Variants in PCNX2 observed in about 807,000 individuals in gnomAD.
The protein encoded by PCNX2 is pecanex 2, also known as pecanex-like protein 2.
A neutral mutation model predicts 223.8 loss-of-function variants in PCNX2; 168 were observed. The ratio of observed to expected loss-of-function variants is 0.75; its 90% CI spans 0.66 to 0.85. The LOEUF (loss-of-function observed/expected upper bound fraction) is 0.85. PCNX2 is among the 40% of genes least tolerant of loss of function. The pLI, the probability that PCNX2 is intolerant of heterozygous loss-of-function variation, is 0.00. For synonymous variants in PCNX2, 1,006 were observed against 1,052.6 expected (o/e 0.96, Z 0.86); for missense variants, 2,507 against 2,675.5 (o/e 0.94, Z 1.39).
intron 5 of PCNX2, among the ~76,000 whole-genome samples, chr1:233,255,096 G>A (rs1483283648): frequency 6.6e-6 from 1 of 152,144 alleles, no homozygotes; most frequent in Non-Finnish European, 1.5e-5. Flanking sequence ...AGCCCAGGAA[G>A]CCAATATACT....
chr1:233,008,486 A>C (rs1419695811), intron 28 of PCNX2, among the ~76,000 whole-genome samples: 1 of 152,208 alleles, frequency 6.6e-6, no homozygotes. Context: ...AAGATCAATT[A>C]CTGCCAGGCA....
In PCNX2 at chr1:233,252,887, A is replaced by T. The variant is rs947040492; in HGVS notation, c.1835-99T>A. The T allele has an allele frequency of 1.5e-5, 19 of 1,259,358 alleles. No homozygotes were observed. In the African/African-American group the frequency reaches 2.1e-4, roughly 14 times the overall value. The allele number at this position is 1,259,358 out of a possible 1,614,324, so 78.0% of individuals were successfully genotyped here. ...AAAACTGAAACAAGAATAGAAAGAA[A>T]ATCTAAGCAGCTCCTCTGCATGCAA... On this transcript the variant is annotated intron_variant, in intron 5 of 33. Coordinates refer to ENST00000258229, the MANE Select transcript of PCNX2 (RefSeq NM_014801.4).
At chr1:233,060,952 C>T (rs1422767496) in intron 23 of PCNX2, among the ~76,000 whole-genome samples, 1 of 152,186 alleles carries the variant, frequency 6.6e-6, no homozygotes, top group Admixed American at 6.5e-5. Context: ...CAAACTTGGC[C>T]TTTCCACCCC....
upstream of PCNX2, among the ~76,000 whole-genome samples, chr1:233,299,230 C>T (rs1392927867): frequency 3.3e-5 from 5 of 152,210 alleles, no homozygotes; most frequent in Admixed American, 3.3e-4. Flanking sequence ...CTCTCTCTCA[C>T]TACCATATCC....
intron 23 of PCNX2, among the ~76,000 whole-genome samples, chr1:233,063,956 A>G (rs1424430208): frequency 6.6e-6 from 1 of 152,024 alleles, no homozygotes; most frequent in African/African-American, 2.4e-5. Flanking sequence ...ATTTATTTTT[A>G]TAAGCCATTT....
At chr1:233,088,904 T>A (rs1413544666) in intron 23 of PCNX2, among the ~76,000 whole-genome samples, 1 of 152,206 alleles carries the variant, frequency 6.6e-6, no homozygotes, top group African/African-American at 2.4e-5. Context: ...GTTAATTCAT[T>A]TTCTCCTCAC....
Position 233,258,086 on chromosome 1 carries a change from C to T in PCNX2, c.1776G>A (p.Thr592=), listed in dbSNP as rs767674778. 3 of 1,613,910 alleles carry T rather than the reference C, an allele frequency of 1.9e-6. No individual in the cohort carries two copies. Among genetic ancestry groups the T allele is most frequent in the Middle Eastern group, 1.7e-4 (1 of 6,060 alleles). The part of the protein sequence containing the change: ...LLESINTSKM[T]ASSQLNGSAE... ...CTGAGCCATTCAGTTGACTGGATGC[C>T]GTCATCTTGGAAGTATTAATGGATT... The change falls in exon 5 of 34, where the codon ACG becomes ACA. Residue 592 remains threonine (T), a synonymous_variant. Coordinates refer to ENST00000258229, the MANE Select transcript of PCNX2 (RefSeq NM_014801.4).
At position 233,258,217 on chromosome 1, in the gene PCNX2, C is replaced by T. The variant is rs1326611289; in HGVS notation, c.1645G>A (p.Val549Ile). Residue 549 changes from valine to isoleucine, a missense_variant, in exon 5 of 34, where the codon GTT (valine) becomes ATT (isoleucine). Around this residue, in one of 3 missense-constraint regions of PCNX2, gnomAD observed 1,031 missense variants for 1,021.7 expected, o/e 1.01. Coordinates refer to ENST00000258229, the MANE Select transcript of PCNX2 (RefSeq NM_014801.4). The stretch of plus-strand genomic sequence containing the variant: ...GGCATTGTTTTCTCTGTATCGTTAA[C>T]AATTTCTGCAGAACTTTTACTCAAG... ...VFLSKSSAEI[V>I]NDTEKTMPTS... The T allele has an allele frequency of 6.2e-6, 10 of 1,614,002 alleles. No individual in the cohort carries two copies. Among genetic ancestry groups the T allele is most frequent in the Non-Finnish European group, 8.5e-6 (10 of 1,179,898 alleles).
chr1:233,278,487 A>G (rs77676756), intron 1 of PCNX2, among the ~76,000 whole-genome samples: 1 of 152,210 alleles, frequency 6.6e-6, no homozygotes, highest in Non-Finnish European at 1.5e-5. Flanking sequence ...TTTTATCACC[A>G]TGATGGAAAG....
At chr1:233,318,563 C>CTTTTTTTTTTTTTTTTTT in the PCNX2 span, among the ~76,000 whole-genome samples, 15 of 92,514 alleles carry the variant, frequency 1.6e-4, no homozygotes, top group East Asian at 2.9e-4. Flanking sequence ...TTTTCTTTTT[C>CTTTTTTTTTTTTTTTTTT]TTTTTTTTTT....
At chr1:233,314,753 A>G in the PCNX2 span, among the ~76,000 whole-genome samples, 9 of 152,136 alleles carry the variant, frequency 5.9e-5, no homozygotes, top group Admixed American at 3.3e-4. Context: ...TAAAAAAAAA[A>G]AGATATTCTT....
chr1:233,271,619 A>C (rs1415349463), intron 1 of PCNX2, among the ~76,000 whole-genome samples: 1 of 152,322 alleles, frequency 6.6e-6, no homozygotes, highest in African/African-American at 2.4e-5. Context: ...CTTAGGTTTA[A>C]GTCTTTGATC....
intron 13 of PCNX2, among the ~76,000 whole-genome samples, chr1:233,201,127 A>C (rs2102896981): frequency 6.6e-6 from 1 of 151,552 alleles, no homozygotes; most frequent in Non-Finnish European, 1.5e-5. Context: ...AAAAAAAAAA[A>C]AAAGTTGGTT....
chr1:233,248,865 C>T (rs750166121), intron 8 of PCNX2, among the ~76,000 whole-genome samples: 1 of 152,182 alleles, frequency 6.6e-6, no homozygotes, highest in Non-Finnish European at 1.5e-5. Context: ...AACACAACCT[C>T]ACCAAAAGCC....
rs1332797125 is a variant in PCNX2, at chr1:233,061,822, G to A, written c.4077-4532C>T. On this transcript the variant is annotated intron_variant, in intron 23 of 33. Coordinates refer to ENST00000258229, the MANE Select transcript of PCNX2 (RefSeq NM_014801.4). ...CGCCCAGGCTGGAGTGCAGTGGTGC[G>A]ATCTTGGCTCACTGCAACCTCCGCC... is the stretch of plus-strand genomic sequence containing the variant. Among the ~76,000 whole-genome samples, 5 of 151,988 alleles carry A rather than the reference G, an allele frequency of 3.3e-5. No homozygotes were observed. In the East Asian group the frequency reaches 9.7e-4, roughly 29 times the overall value.
intron 19 of PCNX2, among the ~76,000 whole-genome samples, chr1:233,153,782 G>A (rs954557979): frequency 6.6e-6 from 1 of 152,148 alleles, no homozygotes; most frequent in African/African-American, 2.4e-5. Flanking sequence ...TGGGGCAGGA[G>A]GGTGGAGTTG....
intron 25 of PCNX2, among the ~76,000 whole-genome samples, chr1:233,049,753 C>G (rs943488809): frequency 6.6e-6 from 1 of 152,118 alleles, no homozygotes; most frequent in African/African-American, 2.4e-5. Context: ...AAAATAACTT[C>G]AGGAAAGTTT....
intron 10 of PCNX2, among the ~76,000 whole-genome samples, chr1:233,220,337 T>C (rs554236252): frequency 4.6e-5 from 7 of 152,348 alleles, no homozygotes; most frequent in African/African-American, 1.7e-4. Context: ...GAACAATATG[T>C]TTAGTTTTAT....
At position 233,014,219 on chromosome 1, in the gene PCNX2, A is replaced by G. The variant is rs553131781; in HGVS notation, c.4952+446T>C. ...GAAAAACAGAAGGGGCATCCAATTC[A>G]TCAAAGCTCCAAGGAGACGGGGTGA... On this transcript the variant is annotated intron_variant, in intron 28 of 33. Coordinates refer to ENST00000258229, the MANE Select transcript of PCNX2 (RefSeq NM_014801.4). Among the ~76,000 whole-genome samples, 4 of 152,320 alleles carry G rather than the reference A, an allele frequency of 2.6e-5. No homozygotes were observed. The South Asian group carries it at 8.3e-4, about 32-fold the overall frequency.
Sources: gnomAD v4.1 joint callset for allele counts (sites outside exome capture counted in the v4.1 genomes callset) on GRCh38, gnomAD v4.1.1 for gene constraint, gnomAD v4.1.1 regional missense constraint, MANE v1.5 for transcripts, NCBI Gene and HGNC (gene_info 2026-07-23, HGNC 2026-07-21) for gene names.